The following LHPP variants were observed in gnomAD, a reference collection of about 807,000 sequenced individuals.
The protein encoded by LHPP is hLHPP.
A neutral mutation model predicts 30.3 loss-of-function variants in LHPP; 24 were observed. The observed-to-expected ratio is 0.79, with a 90% confidence interval of 0.57 to 1.11. LHPP has a LOEUF of 1.11. Among genes scored for constraint, LHPP ranks in the 50% most tolerant of loss-of-function variants. LHPP has a pLI of 0.00. For synonymous variants in LHPP, 150 were observed against 157.1 expected (o/e 0.95, Z 0.34); for missense variants, 356 against 367.2 (o/e 0.97, Z 0.25).
chr10:124,484,029 A>T (rs1953233145), intron 1 of LHPP, 110 bp from the exon 2 acceptor site: 1 of 1,001,552 alleles, frequency 1.0e-6, no homozygotes, highest in Non-Finnish European at 1.5e-6. Flanking sequence ...GCAGTGGCCT[A>T]GTCTGCTCTG....
intron 6 of LHPP, among the ~76,000 whole-genome samples, chr10:124,539,609 G>A (rs1376167622): frequency 1.3e-5 from 2 of 152,174 alleles, no homozygotes; most frequent in South Asian, 4.1e-4. Flanking sequence ...GGTGGCTCAC[G>A]CCTGTAATCT....
intron 6 of LHPP, among the ~76,000 whole-genome samples, chr10:124,533,211 C>T (rs1954940321): frequency 6.6e-6 from 1 of 152,202 alleles, no homozygotes; most frequent in East Asian, 1.9e-4. Flanking sequence ...GCCAACACTT[C>T]TGGATAGAAC....
intron 6 of LHPP, among the ~76,000 whole-genome samples, chr10:124,565,842 G>A (rs1222334207): frequency 2.0e-5 from 3 of 152,230 alleles, no homozygotes; most frequent in Admixed American, 6.5e-5. Flanking sequence ...GCTCCAGCCC[G>A]GCGTCGGGTT....
chr10:124,467,499 G>A (rs1471953681), intron 1 of LHPP, among the ~76,000 whole-genome samples: 1 of 151,270 alleles, frequency 6.6e-6, no homozygotes, highest in Non-Finnish European at 1.5e-5. Context: ...TAACATTAAA[G>A]ACCACTTTCT....
chr10:124,591,799 G>A (rs937876112), intron 6 of LHPP, among the ~76,000 whole-genome samples: 2 of 148,432 alleles, frequency 1.3e-5, no homozygotes, highest in African/African-American at 5.0e-5. Context: ...AAGCTCCGCA[G>A]CTGACTACAG....
intron 6 of LHPP, among the ~76,000 whole-genome samples, chr10:124,553,351 C>T (rs971408243): frequency 3.9e-5 from 6 of 152,190 alleles, no homozygotes; most frequent in African/African-American, 1.4e-4. Flanking sequence ...TCCTGCCCAC[C>T]CCCTGCACCT....
At chr10:124,554,501 T>A (rs1209911142) in intron 6 of LHPP, among the ~76,000 whole-genome samples, 2 of 152,248 alleles carry the variant, frequency 1.3e-5, no homozygotes. Flanking sequence ...CGGCCTGGAC[T>A]CAGTTTCTAT....
At chr10:124,600,574 G>A (rs1329813128) in intron 6 of LHPP, among the ~76,000 whole-genome samples, 2 of 152,382 alleles carry the variant, frequency 1.3e-5, no homozygotes, top group African/African-American at 4.8e-5. Context: ...GGTGCCCGGG[G>A]TCTCACGCAG....
At chr10:124,493,147 T>C (rs1953584089) in intron 3 of LHPP, among the ~76,000 whole-genome samples, 1 of 151,690 alleles carries the variant, frequency 6.6e-6, no homozygotes. Context: ...AGCAGTCGCT[T>C]TCAGCTTTGT....
At chr10:124,591,994 C>A (rs1452303503) in intron 6 of LHPP, among the ~76,000 whole-genome samples, 1 of 152,174 alleles carries the variant, frequency 6.6e-6, no homozygotes, top group African/African-American at 2.4e-5. Flanking sequence ...TCCTTCTCCC[C>A]ACCTTGTAAC....
At chr10:124,470,663 CAA>C (rs1952701908) in intron 1 of LHPP, among the ~76,000 whole-genome samples, 1 of 148,210 alleles carries the variant, frequency 6.7e-6, no homozygotes, top group African/African-American at 2.5e-5. Context: ...ACAACAACAA[CAA>C]CAACAACAAC....
chr10:124,554,899 C>T (rs1405398179), intron 6 of LHPP, among the ~76,000 whole-genome samples: 3 of 152,212 alleles, frequency 2.0e-5, no homozygotes, highest in Non-Finnish European at 4.4e-5. Flanking sequence ...TTCATAATTG[C>T]GGCTGTCATT....
chr10:124,497,181 GC>G (rs1314821908), intron 4 of LHPP, among the ~76,000 whole-genome samples, 157 bp downstream of exon 4: 4 of 148,854 alleles, frequency 2.7e-5, no homozygotes, highest in Admixed American at 2.7e-4. Flanking sequence ...CCCTGGCCGG[GC>G]CCTCGGGCCC....
intron 3 of LHPP, among the ~76,000 whole-genome samples, chr10:124,492,670 T>C (rs1448816223): frequency 6.6e-6 from 1 of 152,226 alleles, no homozygotes; most frequent in African/African-American, 2.4e-5. Context: ...CTGGGCACCG[T>C]GGCCCAGCCA....
At chr10:124,528,540 C>G (rs10901751) in intron 6 of LHPP, among the ~76,000 whole-genome samples, 79,450 of 151,780 alleles carry the variant, frequency 0.52, 21,472 homozygotes, top group South Asian at 0.68. Flanking sequence ...TGTATTTCCA[C>G]TAGAGACGGG....
At position 124,469,681 on chromosome 10, in the gene LHPP, C is replaced by T. The variant is rs1318207135; in HGVS notation, c.125+7694C>T. 2.6e-5 allele frequency among the ~76,000 whole-genome samples: 4 copies of T among 151,998 alleles called. No homozygotes were observed. The East Asian group carries it at 5.8e-4, about 22-fold the overall frequency. On this transcript the variant is annotated intron_variant, in intron 1 of 6. Coordinates refer to ENST00000368842, the MANE Select transcript of LHPP (RefSeq NM_022126.4). ...ATTCATTCATTCCTTTACTCATACA[C>T]TCAACAAGCAAACATTGAGTGCCTC...
In LHPP at chr10:124,510,349, A is replaced by G. The variant is rs1359385415; in HGVS notation, c.625-6831A>G. On this transcript the variant is annotated intron_variant, in intron 5 of 6. Coordinates refer to ENST00000368842, the MANE Select transcript of LHPP (RefSeq NM_022126.4). This position sits in a 1 kb window ranked among gnomAD's most constrained non-coding sequence, Gnocchi z 4.0. ...CGCACTTTGGTATGCGGAGCCCACAAGCTGGCCTGGACAGGCATCACTGCT... is the reference window on the plus strand; with the variant it reads ...CGCACTTTGGTATGCGGAGCCCACAGGCTGGCCTGGACAGGCATCACTGCT... 6.6e-6 allele frequency among the ~76,000 whole-genome samples: 1 copy of G among 152,206 alleles called. No homozygotes were observed.
intron 1 of LHPP, among the ~76,000 whole-genome samples, chr10:124,474,716 A>G (rs1952888487): frequency 6.6e-6 from 1 of 152,222 alleles, no homozygotes; most frequent in East Asian, 1.9e-4. Context: ...CAGACTGTCA[A>G]GAGGATTCGA....
At chr10:124,491,851 G>A (rs927519147) in intron 3 of LHPP, among the ~76,000 whole-genome samples, 4 of 152,178 alleles carry the variant, frequency 2.6e-5, no homozygotes, top group African/African-American at 9.7e-5. Context: ...CTTGAACCTG[G>A]GAGGCAGAGG....
Sources: gnomAD v4.1 joint callset for allele counts (sites outside exome capture counted in the v4.1 genomes callset) on GRCh38, gnomAD v4.1.1 for gene constraint, Gnocchi (gnomAD v3.1) non-coding constraint, MANE v1.5 for transcripts, NCBI Gene and HGNC (gene_info 2026-07-23, HGNC 2026-07-21) for gene names.